The following NALF1 variants were observed in gnomAD, a reference collection of about 807,000 sequenced individuals.
The protein encoded by NALF1 is family with sequence similarity 155 member A.
A neutral mutation model predicts 48.4 loss-of-function variants in NALF1; 3 were observed. The ratio of observed to expected loss-of-function variants is 0.06; its 90% CI spans 0.03 to 0.16. The LOEUF is 0.16. Among genes scored for constraint, NALF1 ranks in the 10% least tolerant of loss-of-function variants. The pLI, the probability that NALF1 is intolerant of heterozygous loss-of-function variation, is 1.00. For missense variants in NALF1, 526 were observed against 571.5 expected (o/e 0.92, Z 0.81); for synonymous variants, 262 against 245.7 (o/e 1.07, Z -0.62).
At chr13:107,436,668 A>G (rs1884468786) in intron 1 of NALF1, among the ~76,000 whole-genome samples, 1 of 152,170 alleles carries the variant, frequency 6.6e-6, no homozygotes, top group Admixed American at 6.6e-5. Flanking sequence ...ACAATTAAGA[A>G]TGAGATAAGG....
chr13:107,529,269 A>G (rs1053162576), intron 1 of NALF1, among the ~76,000 whole-genome samples: 4 of 152,264 alleles, frequency 2.6e-5, no homozygotes, highest in Middle Eastern at 6.8e-3. Context: ...TAATTATTCA[A>G]GAGCAGAGAA....
intron 1 of NALF1, among the ~76,000 whole-genome samples, chr13:107,782,023 C>T (rs1184856151): frequency 6.6e-6 from 1 of 151,994 alleles, no homozygotes; most frequent in Non-Finnish European, 1.5e-5. Flanking sequence ...AGAAAATCTT[C>T]TCTCCCTCTC....
At chr13:107,564,077 G>A (rs1311577485) in intron 1 of NALF1, among the ~76,000 whole-genome samples, 2 of 152,068 alleles carry the variant, frequency 1.3e-5, no homozygotes, top group African/African-American at 4.8e-5. Context: ...TGGAATATAC[G>A]AGATGTATTG....
chr13:107,671,951 A>G (rs1881000914), intron 1 of NALF1, among the ~76,000 whole-genome samples: 2 of 152,194 alleles, frequency 1.3e-5, no homozygotes, highest in South Asian at 2.1e-4. Context: ...GGTTTTCACA[A>G]TAAAAACAAA....
chr13:107,643,333 G>C (rs930043463), intron 1 of NALF1, among the ~76,000 whole-genome samples: 1 of 152,156 alleles, frequency 6.6e-6, no homozygotes, highest in Non-Finnish European at 1.5e-5. Flanking sequence ...TAAGGTATTA[G>C]TATAACCAAA....
intron 1 of NALF1, among the ~76,000 whole-genome samples, chr13:107,591,411 T>A (rs553665427): frequency 6.6e-6 from 1 of 152,044 alleles, no homozygotes; most frequent in African/African-American, 2.4e-5. Flanking sequence ...TCCAAACCTA[T>A]CTTTTAGATA....
At chr13:107,743,796 C>G (rs1876705159) in intron 1 of NALF1, among the ~76,000 whole-genome samples, 1 of 152,148 alleles carries the variant, frequency 6.6e-6, no homozygotes, top group Admixed American at 6.6e-5. Context: ...TATACAGGAA[C>G]TGTGAAGCTA....
At chr13:107,748,061 A>C (rs1876834143) in intron 1 of NALF1, among the ~76,000 whole-genome samples, 1 of 152,154 alleles carries the variant, frequency 6.6e-6, no homozygotes, top group African/African-American at 2.4e-5. Context: ...GTAACAACAA[A>C]ATTCAATCCC....
chr13:107,710,781 G>A lies in NALF1; in HGVS notation c.915+154901C>T, dbSNP rs373782861. On this transcript the variant is annotated intron_variant, in intron 1 of 2. Coordinates refer to ENST00000375915, the MANE Select transcript of NALF1 (RefSeq NM_001080396.3). Reference sequence around the variant, plus strand: ...CATATATGTATACACACATATGTGTGTATATACACATATATGTATATATAC... The same window carrying A: ...CATATATGTATACACACATATGTGTATATATACACATATATGTATATATAC... 9.8e-4 allele frequency among the ~76,000 whole-genome samples: 145 copies of A among 147,308 alleles called. 1 individual carries two copies. Among genetic ancestry groups the A allele is most frequent in the Non-Finnish European group, 1.8e-3 (118 of 67,204 alleles).
intron 2 of NALF1, among the ~76,000 whole-genome samples, chr13:107,206,386 C>A (rs907957658): frequency 5.3e-5 from 8 of 152,138 alleles, no homozygotes; most frequent in Non-Finnish European, 1.0e-4. Flanking sequence ...AATGGACATG[C>A]ATTCTCAGAT....
At chr13:107,582,308 G>A (rs1157257270) in intron 1 of NALF1, among the ~76,000 whole-genome samples, 1 of 152,188 alleles carries the variant, frequency 6.6e-6, no homozygotes, top group Non-Finnish European at 1.5e-5. Context: ...ACTACTGTGT[G>A]AAGAAACACA....
At chr13:107,525,405 A>G (rs771876294) in intron 1 of NALF1, among the ~76,000 whole-genome samples, 4 of 152,116 alleles carry the variant, frequency 2.6e-5, no homozygotes, top group Non-Finnish European at 4.4e-5. Flanking sequence ...CACTCAGGAT[A>G]TGCCTTTGAG....
chr13:107,621,115 A>G (rs907494025), intron 1 of NALF1, among the ~76,000 whole-genome samples: 1 of 152,128 alleles, frequency 6.6e-6, no homozygotes, highest in Non-Finnish European at 1.5e-5. Context: ...GTAGTTCCGG[A>G]TGAACTTGCA....
At chr13:107,446,429 ACACACAT>A (rs984775910) in intron 1 of NALF1, among the ~76,000 whole-genome samples, 9 of 150,850 alleles carry the variant, frequency 6.0e-5, no homozygotes, top group African/African-American at 2.2e-4. Context: ...ACACACACAC[ACACACAT>A]ATTTTTACTA....
intron 1 of NALF1, among the ~76,000 whole-genome samples, chr13:107,530,885 T>C (rs1384498906): frequency 2.6e-5 from 4 of 152,064 alleles, no homozygotes; most frequent in Non-Finnish European, 5.9e-5. Context: ...ACCAGCAGGA[T>C]TGCCTGAAAT....
intron 1 of NALF1, among the ~76,000 whole-genome samples, chr13:107,348,768 G>A (rs1372599613): frequency 1.3e-5 from 2 of 152,100 alleles, no homozygotes; most frequent in Non-Finnish European, 2.9e-5. Flanking sequence ...ATATTTTAAT[G>A]GTTTTTATAA....
At chr13:107,804,466 C>T (rs1415736766) in intron 1 of NALF1, among the ~76,000 whole-genome samples, 1 of 151,690 alleles carries the variant, frequency 6.6e-6, no homozygotes, top group Non-Finnish European at 1.5e-5. Flanking sequence ...GTGTCCTATC[C>T]TCCTCATACC....
At chr13:107,569,384 A>C (rs906130279) in intron 1 of NALF1, among the ~76,000 whole-genome samples, 2 of 152,180 alleles carry the variant, frequency 1.3e-5, no homozygotes, top group South Asian at 4.2e-4. Flanking sequence ...AGGCAGGAGA[A>C]TGACGTGAAC....
chr13:107,286,586 CAAAA>C (rs1159508752), intron 1 of NALF1, among the ~76,000 whole-genome samples: 5 of 102,088 alleles, frequency 4.9e-5, no homozygotes, highest in Non-Finnish European at 6.0e-5. Flanking sequence ...GACCCTGTCT[CAAAA>C]AAAAAAAAAA....
Sources: gnomAD v4.1 joint callset for allele counts (sites outside exome capture counted in the v4.1 genomes callset) on GRCh38, gnomAD v4.1.1 for gene constraint, MANE v1.5 for transcripts, NCBI Gene and HGNC (gene_info 2026-07-23, HGNC 2026-07-21) for gene names.